Variants in CRYBG3 observed in about 807,000 individuals in gnomAD.
CRYBG3 encodes crystallin beta-gamma domain containing 3.
CRYBG3 carries 127 observed loss-of-function variants against 244.2 expected under a neutral mutation model. The observed-to-expected ratio is 0.52, with a 90% CI of 0.45 to 0.60. The LOEUF (loss-of-function observed/expected upper bound fraction) is 0.60, where lower values mean the gene tolerates loss of function less well. CRYBG3 is among the 20% of genes least tolerant of loss of function. CRYBG3 has a pLI of 0.00. For synonymous variants in CRYBG3, 1,132 were observed against 1,195.8 expected, an observed-to-expected ratio of 0.95 and a Z score of 1.10; for missense variants, 3,325 against 3,442.5, an observed-to-expected ratio of 0.97 and a Z score of 0.85.
chr3:97,829,371 A>G (rs968776919), intron 1 of CRYBG3, among the ~76,000 whole-genome samples: 2 of 152,170 alleles, frequency 1.3e-5, no homozygotes, highest in Admixed American at 1.3e-4. Context: ...CCACAAATAT[A>G]TCAACATAAC....
At chr3:97,894,441 G>A (rs376234334) in intron 11 of CRYBG3, among the ~76,000 whole-genome samples, 46 of 151,864 alleles carry the variant, frequency 3.0e-4, no homozygotes, top group Middle Eastern at 3.4e-3. Flanking sequence ...ACCATTTTTT[G>A]GTTTTGTTAT....
rs1328393780 is a variant in CRYBG3 at position 97,822,051 on chromosome 3, A to C, written c.-156A>C. 12 of 518,982 alleles carry C rather than the reference A, an allele frequency of 2.3e-5. No individual in the cohort carries two copies. The highest frequency in any genetic ancestry group is 2.1e-4 in the East Asian group (6 of 28,380). The allele number at this position is 518,982 out of a possible 1,614,324, so 32.1% of individuals were successfully genotyped here. A position where few individuals can be genotyped will look rare whatever the true frequency, so the allele number is the denominator to read the frequency against. ...CGCGCGAGGAGCGCGTCGCGTCCGC[A>C]CTTCTCCTGCCCGAGAGAGACTGAG... On this transcript the variant is annotated 5_prime_UTR_variant, in exon 1 of 22. Coordinates refer to ENST00000389622, the MANE Select transcript of CRYBG3 (RefSeq NM_153605.4).
chr3:97,943,267 C>A lies in CRYBG3; in HGVS notation c.8866C>A (p.Pro2956Thr). 6.3e-7 allele frequency: 1 copy of A among 1,592,574 alleles called. No individual in the cohort carries two copies. Among genetic ancestry groups the A allele is most frequent in the South Asian group, 1.1e-5 (1 of 89,828 alleles). The change falls in exon 22 of 22, where the codon CCC (proline) becomes ACC (threonine). Residue 2956 changes from proline to threonine, a missense_variant. Around this residue, in one of 4 missense-constraint regions of CRYBG3, gnomAD observed 714 missense variants for 803.6 expected, o/e 0.89. Coordinates refer to ENST00000389622, the MANE Select transcript of CRYBG3 (RefSeq NM_153605.4). The stretch of plus-strand genomic sequence containing the variant: ...CAAGACTCATGTAATTGTAAATCAG[C>A]CCCTGGAGGGAGAAGAAACACAGAA... The part of the protein sequence containing the change: ...CDKTHVIVNQ[P>T]LEGEETQKWD...
intron 9 of CRYBG3, 107 bp downstream of exon 9, chr3:97,888,562 A>C: frequency 1.3e-6 from 1 of 746,344 alleles, no homozygotes; most frequent in Non-Finnish European, 2.3e-6. Flanking sequence ...GAATATGTGT[A>C]CTACTGAATT....
Position 97,872,782 on chromosome 3 carries a change from G to T in CRYBG3, c.1588G>T (p.Glu530Ter). 6.5e-7 allele frequency: 1 copy of T among 1,535,884 alleles called. No homozygotes were observed. The highest frequency in any genetic ancestry group is 8.7e-7 in the Non-Finnish European group (1 of 1,146,764). Reference sequence around the variant, plus strand: ...TGTGGCTGTTAGAGAAATCAGGCGAGAAACAGAAAGTGCCTCAGCTGGTGA... The same window carrying T: ...TGTGGCTGTTAGAGAAATCAGGCGATAAACAGAAAGTGCCTCAGCTGGTGA... ...KNVAVREIRR[E>*]TESASAGESI... The change falls in exon 4 of 22, where the codon GAA (glutamate) becomes TAA (stop). Residue 530 changes from glutamate (E) to a stop codon, truncating the protein, a stop_gained. Coordinates refer to ENST00000389622, the MANE Select transcript of CRYBG3 (RefSeq NM_153605.4). LOFTEE classifies it high-confidence loss of function.
rs187682797 is a variant in CRYBG3 at position 97,875,311 on chromosome 3, G to C, written c.4117G>C (p.Glu1373Gln). 3.1e-3 allele frequency: 4,473 copies of C among 1,443,600 alleles called. 7 individuals carry two copies. The highest frequency in any genetic ancestry group is 3.4e-3 in the Non-Finnish European group (3,816 of 1,106,130). The allele number at this position is 1,443,600 out of a possible 1,614,324, so 89.4% of individuals were successfully genotyped here. The change falls in exon 4 of 22, where the codon GAA becomes CAA. Residue 1373 changes from glutamate (E) to glutamine (Q), a missense_variant. By Grantham distance (29) the Glu-to-Gln change is conservative. Transcript: ENST00000389622. ...AGTAAATCAAAGCACACAAATTAGT[G>C]AAAATAAAGTATTAAATGAATTCTT... The part of the protein sequence containing the change: ...QPVNQSTQIS[E>Q]NKVLNEFFSL...
intron 12 of CRYBG3, among the ~76,000 whole-genome samples, chr3:97,898,148 A>T (rs980269268): frequency 5.3e-5 from 8 of 151,684 alleles, no homozygotes; most frequent in African/African-American, 1.9e-4. Flanking sequence ...GAAACCTGGG[A>T]GGCAGAGGTT....
intron 1 of CRYBG3, among the ~76,000 whole-genome samples, chr3:97,833,994 C>A (rs1576508752): frequency 6.6e-6 from 1 of 151,956 alleles, no homozygotes; most frequent in Admixed American, 6.6e-5. Flanking sequence ...GCCAGTTTTC[C>A]TGGAACTAAC....
At position 97,875,943 on chromosome 3, in the gene CRYBG3, G is replaced by A. The variant is rs960161877; in HGVS notation, c.4749G>A (p.Thr1583=). 7.1e-5 allele frequency: 88 copies of A among 1,231,922 alleles called. No homozygotes were observed. The highest frequency in any genetic ancestry group is 8.5e-5 in the Non-Finnish European group (84 of 987,946). The allele number at this position is 1,231,922 out of a possible 1,614,324, so 76.3% of individuals were successfully genotyped here. ...IHKMDAELNV[T]KTEPKANVFK... is the part of the protein sequence containing the mutation. ...AAATGGATGCTGAATTGAATGTCAC[G>A]AAAACTGAGCCAAAAGCTAATGTTT... The change falls in exon 4 of 22, where the codon ACG becomes ACA. Residue 1583 remains threonine (T), a synonymous_variant. Coordinates refer to ENST00000389622, the MANE Select transcript of CRYBG3 (RefSeq NM_153605.4).
chr3:97,898,221 G>GAAA (rs59823387), intron 12 of CRYBG3, among the ~76,000 whole-genome samples: 1 of 124,120 alleles, frequency 8.1e-6, no homozygotes, highest in African/African-American at 3.0e-5. Flanking sequence ...ACTGCTTCTT[G>GAAA]AAAAAAAAAA....
intron 12 of CRYBG3, among the ~76,000 whole-genome samples, chr3:97,897,136 C>T (rs963660572): frequency 3.3e-5 from 5 of 151,612 alleles, no homozygotes; most frequent in East Asian, 1.9e-4. Flanking sequence ...GCTTTTGTTG[C>T]GATTTTCAGA....
intron 15 of CRYBG3, among the ~76,000 whole-genome samples, chr3:97,910,527 A>C (rs2039857465): frequency 6.6e-6 from 1 of 152,098 alleles, no homozygotes; most frequent in South Asian, 2.1e-4. Flanking sequence ...GCTGTCCGTC[A>C]CCCCTTTCTT....
chr3:97,893,832 G>T (rs1421084721), intron 11 of CRYBG3, among the ~76,000 whole-genome samples: 1 of 152,100 alleles, frequency 6.6e-6, no homozygotes, highest in Non-Finnish European at 1.5e-5. Flanking sequence ...ATTCACAGAA[G>T]TTAAATGAAT....
intron 16 of CRYBG3, among the ~76,000 whole-genome samples, chr3:97,914,373 T>C (rs541631581): frequency 1.8e-4 from 27 of 152,314 alleles, no homozygotes; most frequent in African/African-American, 6.3e-4. Flanking sequence ...AGGATCATTG[T>C]TAATGAGAAG....
intron 7 of CRYBG3, among the ~76,000 whole-genome samples, chr3:97,882,151 G>A (rs1576542405): frequency 6.6e-6 from 1 of 152,054 alleles, no homozygotes. Flanking sequence ...AGAGGTTGCA[G>A]TGAGCTGAGA....
chr3:97,877,537 GAC>G lies in CRYBG3; in HGVS notation c.6345_6346del (p.Asp2115GlufsTer2). On this transcript the variant is annotated frameshift_variant, in exon 4 of 22. Transcript: ENST00000389622. LOFTEE classifies it high-confidence loss of function. ...PGHHGPRKSRDSENQSSSVLS... is the reference protein window; with the variant it reads ...PGHHGPRKSRXSENQSSSVLS... ...TCACCATGGCCCCAGGAAATCAAGA[GAC>G]AGTGAAAACCAGTCCTCTTCTGTTT... is the stretch of plus-strand genomic sequence containing the variant. 6.2e-7 allele frequency: 1 copy of G among 1,614,114 alleles called. No individual in the cohort carries two copies. Among genetic ancestry groups the G allele is most frequent in the African/African-American group, 1.3e-5 (1 of 75,022 alleles).
At chr3:97,869,756 A>G (rs2039279223) in intron 3 of CRYBG3, among the ~76,000 whole-genome samples, 1 of 152,194 alleles carries the variant, frequency 6.6e-6, no homozygotes, top group South Asian at 2.1e-4. Context: ...ATAATGGACA[A>G]TAAAAATAAA....
intron 2 of CRYBG3, among the ~76,000 whole-genome samples, chr3:97,863,758 T>G (rs1407852686): frequency 6.6e-6 from 1 of 152,104 alleles, no homozygotes; most frequent in Admixed American, 6.6e-5. Flanking sequence ...TCTTTACGTC[T>G]CTCTCCATAT....
intron 11 of CRYBG3, 83 bp from the exon 12 acceptor site, chr3:97,895,876 G>T: frequency 7.7e-7 from 1 of 1,295,084 alleles, no homozygotes. Context: ...GAACCACTAT[G>T]AGCTTTATCT....
Sources: allele counts gnomAD v4.1 joint callset (sites outside exome capture counted in the v4.1 genomes callset), GRCh38; gene constraint gnomAD v4.1.1; regional missense constraint gnomAD v4.1.1; transcripts MANE v1.5; gene names NCBI Gene and HGNC (gene_info 2026-07-23, HGNC 2026-07-21).